Variants in CACNB2 observed in about 807,000 individuals in gnomAD.
CACNB2 encodes voltage-dependent L-type calcium channel subunit beta-2.
In CACNB2, 42 loss-of-function variants were observed where a neutral mutation model predicts 73.3. That is an observed-to-expected ratio of 0.57 (90% CI 0.45 to 0.74). CACNB2 has a LOEUF of 0.74. Ranked by LOEUF, CACNB2 falls within the 30% of genes least tolerant of loss-of-function variation. CACNB2 has a pLI of 0.00. For missense variants in CACNB2, 940 were observed against 853.0 expected (o/e 1.10, Z -1.27); for synonymous variants, 348 against 310.3 (o/e 1.12, Z -1.28).
chr10:18,347,197 T>G (rs2041495704), intron 2 of CACNB2, among the ~76,000 whole-genome samples: 1 of 151,232 alleles, frequency 6.6e-6, no homozygotes, highest in South Asian at 2.1e-4. Context: ...TGAGACGGAG[T>G]TTCTCTCTGT....
At chr10:18,186,583 G>C (rs547508732) in intron 2 of CACNB2, among the ~76,000 whole-genome samples, 86 of 152,234 alleles carry the variant, frequency 5.6e-4, no homozygotes, top group African/African-American at 2.0e-3. Flanking sequence ...GAAGGCAAAG[G>C]GGGAGAAGGC....
intron 2 of CACNB2, among the ~76,000 whole-genome samples, chr10:18,291,252 T>A (rs2039057281): frequency 6.6e-6 from 1 of 152,228 alleles, no homozygotes; most frequent in South Asian, 2.1e-4. Context: ...CAGCAGCTAA[T>A]CTACAAGAGC....
intron 7 of CACNB2, chr10:18,514,864 A>C: frequency 1.3e-6 from 1 of 765,162 alleles, no homozygotes; most frequent in Non-Finnish European, 2.3e-6. Context: ...CTTATGATCA[A>C]ACATATTAAA....
At chr10:18,378,880 C>G (rs1327582695) in intron 2 of CACNB2, among the ~76,000 whole-genome samples, 1 of 152,224 alleles carries the variant, frequency 6.6e-6, no homozygotes, top group Non-Finnish European at 1.5e-5. Context: ...CTCCCTTCCT[C>G]TTTCTGCTCC....
chr10:18,500,864 T>C lies in CACNB2; in HGVS notation c.509T>C (p.Ile170Thr), dbSNP rs1312875425. ...CGATTGGTAAAAGAAGGCTGTGAAATCGGATTCATTCCAAGCCCAGTCAAA... is the reference window on the plus strand; with the variant it reads ...CGATTGGTAAAAGAAGGCTGTGAAACCGGATTCATTCCAAGCCCAGTCAAA... ...IGRLVKEGCE[I>T]GFIPSPVKLE... is the part of the protein sequence containing the mutation. Residue 170 changes from isoleucine to threonine, a missense_variant, in exon 5 of 14, where the codon ATC (isoleucine) becomes ACC (threonine). Physicochemically the swap from Ile to Thr is moderately conservative, Grantham distance 89. Coordinates refer to ENST00000324631, the MANE Select transcript of CACNB2 (RefSeq NM_201596.3). The C allele has an allele frequency of 6.2e-7, 1 of 1,613,722 alleles. No individual in the cohort carries two copies. Among genetic ancestry groups the C allele is most frequent in the African/African-American group, 1.3e-5 (1 of 74,904 alleles).
At chr10:18,472,577 A>G (rs1275397962) in intron 3 of CACNB2, among the ~76,000 whole-genome samples, 3 of 152,194 alleles carry the variant, frequency 2.0e-5, no homozygotes, top group South Asian at 2.1e-4. Flanking sequence ...CCTTGGTTCC[A>G]TGATAAAAGC....
chr10:18,338,383 A>C (rs943045429), intron 2 of CACNB2, among the ~76,000 whole-genome samples: 1 of 152,226 alleles, frequency 6.6e-6, no homozygotes, highest in African/African-American at 2.4e-5. Flanking sequence ...TCTTGTTAGG[A>C]TGGCTGTGAT....
intron 2 of CACNB2, among the ~76,000 whole-genome samples, chr10:18,199,535 A>G (rs1282022582): frequency 6.6e-6 from 1 of 152,092 alleles, no homozygotes; most frequent in Non-Finnish European, 1.5e-5. Flanking sequence ...AGAGAGCCAG[A>G]AGGCTAGCAT....
At chr10:18,287,727 G>A (rs1437479786) in intron 2 of CACNB2, among the ~76,000 whole-genome samples, 2 of 152,276 alleles carry the variant, frequency 1.3e-5, no homozygotes, top group East Asian at 3.9e-4. Context: ...GGCACGCCCT[G>A]TAGTCTCAGC....
In CACNB2 at chr10:18,540,058, A is replaced by C. The variant is rs1306059751; in HGVS notation, c.*334A>C. 2 of 258,442 alleles carry C rather than the reference A, an allele frequency of 7.7e-6. No homozygotes were observed. The highest frequency in any genetic ancestry group is 1.8e-4 in the East Asian group (2 of 10,936). 16.0% of individuals were successfully genotyped at this position (258,442 alleles called of 1,614,324 possible). On this transcript the variant is annotated 3_prime_UTR_variant, in exon 14 of 14. Coordinates refer to ENST00000324631, the MANE Select transcript of CACNB2 (RefSeq NM_201596.3). ...TTTAAGAAATGTAGTTGATGTATCC[A>C]ACAAGCCAGAATCAGCACAGATAAA... is the stretch of plus-strand genomic sequence containing the variant.
At chr10:18,512,287 T>TC (rs150717945) in intron 6 of CACNB2, among the ~76,000 whole-genome samples, 3,078 of 152,216 alleles carry the variant, frequency 0.02, 90 homozygotes, top group African/African-American at 0.068. Context: ...CCAGAAGTCT[T>TC]CCAATGTCAT....
Position 18,541,756 on chromosome 10 carries a change from GGAGGCT to G in CACNB2, c.*2038_*2043del, listed in dbSNP as rs1277621308. On this transcript the variant is annotated 3_prime_UTR_variant, in exon 14 of 14. Coordinates refer to ENST00000324631, the MANE Select transcript of CACNB2 (RefSeq NM_201596.3). ...GCACACCTGTAATCCCAGCTACTTG[GGAGGCT>G]GAGGCAGGAGAATTGCTTGAACCCA... The G allele has an allele frequency of 6.6e-6, 1 of 152,072 alleles. No homozygotes were observed. The highest frequency in any genetic ancestry group is 1.9e-4 in the East Asian group (1 of 5,162). The allele number at this position is 152,072 out of a possible 1,614,324, so 9.4% of individuals were successfully genotyped here. A position where few individuals can be genotyped will look rare whatever the true frequency, so the allele number is the denominator to read the frequency against.
In CACNB2 at chr10:18,538,626, C is replaced by A. The variant is rs80340019; in HGVS notation, c.1488+261C>A. On this transcript the variant is annotated intron_variant, in intron 13 of 13. Transcript: ENST00000324631. ...GAAGTGGATCACCTAGATTCAAATC[C>A]TGGCTGCACCTCTTACCACTTGTGG... Among the ~76,000 whole-genome samples the A allele has an allele frequency of 1.8e-3, 276 of 152,264 alleles. 6 individuals carry two copies. In the East Asian group the frequency reaches 0.033, roughly 18 times the overall value.
chr10:18,470,945 C>A (rs181912142), intron 3 of CACNB2, among the ~76,000 whole-genome samples: 23 of 152,290 alleles, frequency 1.5e-4, no homozygotes, highest in Middle Eastern at 3.4e-3. Context: ...TGGTTCCCAA[C>A]AACAGTGTTA....
intron 2 of CACNB2, among the ~76,000 whole-genome samples, chr10:18,368,098 T>A (rs2042430246): frequency 6.6e-6 from 1 of 152,160 alleles, no homozygotes; most frequent in Admixed American, 6.5e-5. Context: ...CTGAGCTCTC[T>A]CCTGTAAACA....
intron 2 of CACNB2, among the ~76,000 whole-genome samples, chr10:18,377,845 A>G (rs2132340166): frequency 6.6e-6 from 1 of 152,328 alleles, no homozygotes; most frequent in East Asian, 1.9e-4. Context: ...GTTTCTGAAA[A>G]TTAGACTTGC....
intron 2 of CACNB2, among the ~76,000 whole-genome samples, chr10:18,184,012 G>A (rs2034023705): frequency 6.6e-6 from 1 of 152,216 alleles, no homozygotes; most frequent in African/African-American, 2.4e-5. Context: ...GATTAAAAGT[G>A]TTAATCCAAG....
At chr10:18,333,170 C>T (rs1354347870) in intron 2 of CACNB2, among the ~76,000 whole-genome samples, 1 of 152,154 alleles carries the variant, frequency 6.6e-6, no homozygotes, top group Non-Finnish European at 1.5e-5. Context: ...AAGTCCTTTT[C>T]AGTTTTTGCA....
chr10:18,174,517 C>T (rs1255061636), intron 2 of CACNB2, among the ~76,000 whole-genome samples: 1 of 151,866 alleles, frequency 6.6e-6, no homozygotes, highest in Non-Finnish European at 1.5e-5. Context: ...AATTCTCCTC[C>T]CTCAGCCTCC....
Sources: allele counts gnomAD v4.1 joint callset (sites outside exome capture counted in the v4.1 genomes callset), GRCh38; gene constraint gnomAD v4.1.1; transcripts MANE v1.5; gene names NCBI Gene and HGNC (gene_info 2026-07-23, HGNC 2026-07-21).